The following SMARCAL1 variants were observed in gnomAD, a reference collection of about 807,000 sequenced individuals.
SMARCAL1 encodes SNF2 related chromatin remodeling annealing helicase 1.
Under a neutral mutation model 94.5 loss-of-function variants are expected in SMARCAL1, and 58 were observed. The observed-to-expected ratio is 0.61, with a 90% CI of 0.50 to 0.76. The LOEUF (loss-of-function observed/expected upper bound fraction) is 0.76, where lower values mean the gene tolerates loss of function less well. Ranked by LOEUF, SMARCAL1 falls within the 30% of genes least tolerant of loss-of-function variation. SMARCAL1 has a pLI of 0.00. For missense variants in SMARCAL1, 1,051 were observed against 1,177.9 expected, an observed-to-expected ratio of 0.89 and a Z score of 1.58; for synonymous variants, 422 against 455.1, an observed-to-expected ratio of 0.93 and a Z score of 0.93.
intron 12 of SMARCAL1, among the ~76,000 whole-genome samples, 181 bp from the exon 13 acceptor site, chr2:216,464,416 G>A (rs569452020): frequency 1.1e-4 from 16 of 152,282 alleles, no homozygotes; most frequent in South Asian, 2.1e-4. Context: ...GACAAAACCC[G>A]ACCCAGGCAG....
chr2:216,461,932 A>G (rs888873607), intron 12 of SMARCAL1, among the ~76,000 whole-genome samples: 13 of 152,214 alleles, frequency 8.5e-5, no homozygotes, highest in African/African-American at 2.4e-4. Context: ...GTTACTTTCA[A>G]TTGCTCACTA....
At chr2:216,480,834 G>A (rs1236446572) in intron 17 of SMARCAL1, among the ~76,000 whole-genome samples, 2 of 152,138 alleles carry the variant, frequency 1.3e-5, no homozygotes, top group South Asian at 2.1e-4. Context: ...TAGGGACAGC[G>A]GAGCCCAAAG....
intron 10 of SMARCAL1, among the ~76,000 whole-genome samples, chr2:216,441,226 T>C (rs2106043499): frequency 6.6e-6 from 1 of 152,184 alleles, no homozygotes; most frequent in Admixed American, 6.5e-5. Flanking sequence ...TCCAGAAAAA[T>C]GTGGATTTTG....
Position 216,432,825 on chromosome 2 carries a change from T to A in SMARCAL1, c.1442T>A (p.Leu481His). 6.2e-7 allele frequency: 1 copy of A among 1,614,208 alleles called. No homozygotes were observed. The highest frequency in any genetic ancestry group is 8.5e-7 in the Non-Finnish European group (1 of 1,180,046). ...IAAFYRKEWP[L>H]LVVVPSSVRF... ...GCCTTTTACCGGAAGGAGTGGCCGC[T>A]CCTGGTGGTGGTGCCATCCTCCGTG... The change falls in exon 8 of 18, where the codon CTC becomes CAC. Residue 481 changes from leucine to histidine, a missense_variant. By Grantham distance (99) the Leu-to-His change is moderately conservative. Transcript: ENST00000357276.
chr2:216,478,139 C>T (rs1398121855), intron 16 of SMARCAL1, 64 bp from the exon 17 acceptor site: 1 of 1,301,280 alleles, frequency 7.7e-7, no homozygotes, highest in African/African-American at 1.5e-5. Context: ...AGGGTGGCCT[C>T]ATTTTCATTA....
chr2:216,458,610 A>C (rs372369348), intron 12 of SMARCAL1, among the ~76,000 whole-genome samples: 9 of 152,346 alleles, frequency 5.9e-5, no homozygotes, highest in South Asian at 4.1e-4. Context: ...GATGCAGAAA[A>C]GGCCTTTAAC....
At chr2:216,443,452 T>C (rs1272168556) in intron 10 of SMARCAL1, among the ~76,000 whole-genome samples, 1 of 152,150 alleles carries the variant, frequency 6.6e-6, no homozygotes, top group Non-Finnish European at 1.5e-5. Flanking sequence ...TTATAATATT[T>C]TGGTATTTTT....
intron 8 of SMARCAL1, among the ~76,000 whole-genome samples, chr2:216,434,398 GA>G (rs1319972677): frequency 6.6e-6 from 1 of 152,144 alleles, no homozygotes; most frequent in Admixed American, 6.5e-5. Flanking sequence ...AAATGTTTAT[GA>G]TTTGCCTTCA....
chr2:216,417,929 C>CT (rs918899938), intron 4 of SMARCAL1, among the ~76,000 whole-genome samples: 2 of 151,306 alleles, frequency 1.3e-5, no homozygotes, highest in East Asian at 1.9e-4. Flanking sequence ...GATATCGTTA[C>CT]TTTTTTTTTG....
At chr2:216,474,128 CTTTTTTTTTTTTTTTTTT>C (rs1182416023) in intron 14 of SMARCAL1, among the ~76,000 whole-genome samples, 2 of 64,894 alleles carry the variant, frequency 3.1e-5, no homozygotes, top group East Asian at 5.8e-4. Context: ...GTATAGCATT[CTTTTTTTTTTTTTTTTTT>C]TTTTTTTTTT....
At chr2:216,463,748 T>A (rs1387486323) in intron 12 of SMARCAL1, among the ~76,000 whole-genome samples, 2 of 152,144 alleles carry the variant, frequency 1.3e-5, no homozygotes, top group African/African-American at 4.8e-5. Context: ...GGTTTTAAAA[T>A]GATACTAAAA....
Position 216,415,033 on chromosome 2 carries a change from G to GCCACAGT in SMARCAL1, c.334_340dup (p.Arg114GlnfsTer4), listed in dbSNP as rs1693556617. The stretch of plus-strand genomic sequence containing the variant: ...GAAGAAATGCCCACAGCCTGCCCAG[G>GCCACAGT]CCACAGTCCACGTAGTCAAATGGCT... On this transcript the variant is annotated frameshift_variant, in exon 3 of 18. Coordinates refer to ENST00000357276, the MANE Select transcript of SMARCAL1 (RefSeq NM_014140.4). LOFTEE classifies it high-confidence loss of function. 2 of 1,614,188 alleles carry GCCACAGT rather than the reference G, an allele frequency of 1.2e-6. No individual in the cohort carries two copies. Among genetic ancestry groups the GCCACAGT allele is most frequent in the Non-Finnish European group, 1.7e-6 (2 of 1,180,032 alleles).
At position 216,482,952 on chromosome 2, in the gene SMARCAL1, G is replaced by T; in HGVS notation, c.2840G>T (p.Trp947Leu). 1 of 1,613,968 alleles carries T rather than the reference G, an allele frequency of 6.2e-7. No individual in the cohort carries two copies. Among genetic ancestry groups the T allele is most frequent in the Non-Finnish European group, 8.5e-7 (1 of 1,179,986 alleles). Reference sequence around the variant, plus strand: ...AGGAGATTTGAATTTTTTGATAACTGGGACAGCTTTACGTCTCCCCTGTAA... The same window carrying T: ...AGGAGATTTGAATTTTTTGATAACTTGGACAGCTTTACGTCTCCCCTGTAA... ...KKRRFEFFDNWDSFTSPL is the reference protein window; with the variant it reads ...KKRRFEFFDNLDSFTSPL The change falls in exon 18 of 18, where the codon TGG (tryptophan) becomes TTG (leucine). Residue 947 changes from tryptophan (W) to leucine (L), a missense_variant. This residue lies in a region of SMARCAL1 where 642 missense variants were observed against 754.7 expected (regional missense o/e 0.85). Transcript: ENST00000357276. This position sits in a 1 kb window ranked among gnomAD's most constrained non-coding sequence, Gnocchi z 4.3.
At chr2:216,429,827 T>A (rs1431186303) in intron 7 of SMARCAL1, among the ~76,000 whole-genome samples, 1 of 152,080 alleles carries the variant, frequency 6.6e-6, no homozygotes, top group African/African-American at 2.4e-5. Flanking sequence ...TTTTCTTCAT[T>A]TCCTTCCATC....
chr2:216,469,759 C>T (rs889971308), intron 14 of SMARCAL1, among the ~76,000 whole-genome samples: 18 of 152,100 alleles, frequency 1.2e-4, no homozygotes, highest in African/African-American at 4.3e-4. Context: ...CATGCTCTTG[C>T]ATGGTTATTA....
At chr2:216,478,435 C>T in intron 17 of SMARCAL1, 136 bp downstream of exon 17, 2 of 745,510 alleles carry the variant, frequency 2.7e-6, no homozygotes, top group Non-Finnish European at 4.8e-6. Flanking sequence ...AAACAATGGC[C>T]TGCAGTCATT....
chr2:216,467,859 T>C lies in SMARCAL1; in HGVS notation c.2142-85T>C, dbSNP rs549761089. The C allele has an allele frequency of 1.6e-5, 14 of 849,928 alleles. No homozygotes were observed. The East Asian group carries it at 2.8e-4, about 17-fold the overall frequency. 52.6% of individuals were successfully genotyped at this position (849,928 alleles called of 1,614,324 possible). On this transcript the variant is annotated intron_variant, in intron 13 of 17. Transcript: ENST00000357276. ...GATCATCTTCTATGATCCCAGATAA[T>C]AAGAATGTTTCAGTAACATACCAGA... is the stretch of plus-strand genomic sequence containing the variant.
At chr2:216,436,620 G>A (rs540497025) in intron 9 of SMARCAL1, among the ~76,000 whole-genome samples, 2 of 152,236 alleles carry the variant, frequency 1.3e-5, no homozygotes, top group South Asian at 2.1e-4. Flanking sequence ...TTTTTGGTTC[G>A]GCACAAATTC....
chr2:216,476,748 G>A (rs2106088117), intron 15 of SMARCAL1, among the ~76,000 whole-genome samples: 1 of 152,274 alleles, frequency 6.6e-6, no homozygotes, highest in Middle Eastern at 3.4e-3. Context: ...TGAAGAAATG[G>A]AAGTGTGCAG....
Sources: allele counts gnomAD v4.1 joint callset (sites outside exome capture counted in the v4.1 genomes callset), GRCh38; gene constraint gnomAD v4.1.1; regional missense constraint gnomAD v4.1.1; non-coding constraint Gnocchi (gnomAD v3.1); transcripts MANE v1.5; gene names NCBI Gene and HGNC (gene_info 2026-07-23, HGNC 2026-07-21).